Variants in GRIK4 observed in about 807,000 individuals in gnomAD.
GRIK4 encodes glutamate ionotropic receptor kainate type subunit 4, also known as glutamate receptor ionotropic, kainate 4.
In GRIK4, 40 loss-of-function variants were observed where a neutral mutation model predicts 104.9. The observed-to-expected ratio is 0.38, with a 90% CI of 0.30 to 0.50. The LOEUF is 0.50. Ranked by LOEUF, GRIK4 falls within the 20% of genes least tolerant of loss-of-function variation. GRIK4 has a pLI of 0.93. For missense variants in GRIK4, 1,047 were observed against 1,308.1 expected (o/e 0.80, Z 3.08); for synonymous variants, 485 against 524.9 (o/e 0.92, Z 1.04).
At chr11:120,843,269 C>T (rs1033741493) in intron 8 of GRIK4, among the ~76,000 whole-genome samples, 2 of 152,264 alleles carry the variant, frequency 1.3e-5, no homozygotes, top group South Asian at 2.1e-4. Context: ...GCTCTCGGCA[C>T]CGCCGCTGTG....
In GRIK4 at chr11:120,978,455, TG is replaced by T. The variant is rs149983178; in HGVS notation, c.2396-3649del. ...AGAGGAATTAACAGGAGCAAAGGTA[TG>T]GAAGGTAAGAGCAACGATGCTGTGT... On this transcript the variant is annotated intron_variant, in intron 19 of 20. Coordinates refer to ENST00000527524, the MANE Select transcript of GRIK4 (RefSeq NM_014619.5). Among the ~76,000 whole-genome samples, 863 of 152,174 alleles carry T rather than the reference TG, an allele frequency of 5.7e-3. 6 individuals carry two copies. The highest frequency in any genetic ancestry group is 0.02 in the African/African-American group (826 of 41,512).
intron 6 of GRIK4, 87 bp from the exon 7 acceptor site, chr11:120,831,765 A>T: frequency 1.0e-6 from 1 of 1,000,540 alleles, no homozygotes; most frequent in Non-Finnish European, 1.5e-6. Flanking sequence ...CTTCCAGCCC[A>T]CATCTCCGTG....
At chr11:120,644,699 T>C (rs1949518815) in intron 1 of GRIK4, among the ~76,000 whole-genome samples, 1 of 152,184 alleles carries the variant, frequency 6.6e-6, no homozygotes, top group African/African-American at 2.4e-5. Context: ...CCGGTGAACC[T>C]TCCAGTAGAA....
At chr11:120,726,634 A>G (rs1951031674) in intron 3 of GRIK4, among the ~76,000 whole-genome samples, 1 of 152,142 alleles carries the variant, frequency 6.6e-6, no homozygotes, top group Admixed American at 6.5e-5. Flanking sequence ...TGAGATGGGA[A>G]AATTAATAGA....
rs753481125 is a variant in GRIK4 at position 120,956,740 on chromosome 11, C to T, written c.1701-40C>T. ...AGCCTGCCTGTGTCCCTTCACACCC[C>T]GCCTCTGTGGCACTAGTGTATGTTC... On this transcript the variant is annotated intron_variant, in intron 15 of 20. Transcript: ENST00000527524. The surrounding 1 kb of genome is among the most constrained non-coding windows in gnomAD (Gnocchi z 4.6). 4.9e-6 allele frequency: 7 copies of T among 1,439,612 alleles called. No homozygotes were observed. The highest frequency in any genetic ancestry group is 2.5e-5 in the East Asian group (1 of 40,254). The allele number at this position is 1,439,612 out of a possible 1,614,324, so 89.2% of individuals were successfully genotyped here. A position where few individuals can be genotyped will look rare whatever the true frequency, so the allele number is the denominator to read the frequency against.
intron 1 of GRIK4, among the ~76,000 whole-genome samples, chr11:120,632,285 C>T (rs977179811): frequency 1.3e-5 from 2 of 152,190 alleles, no homozygotes; most frequent in Non-Finnish European, 2.9e-5. Flanking sequence ...ACCTTGATCT[C>T]AGACCTCTAG....
In GRIK4 at chr11:120,819,666, C is replaced by T. The variant is rs755171756; in HGVS notation, c.346-89C>T. 49 of 1,265,986 alleles carry T rather than the reference C, an allele frequency of 3.9e-5. No homozygotes were observed. Among genetic ancestry groups the T allele is most frequent in the Non-Finnish European group, 4.9e-5 (43 of 874,970 alleles). 78.4% of individuals were successfully genotyped at this position (1,265,986 alleles called of 1,614,324 possible). A position where few individuals can be genotyped will look rare whatever the true frequency, so the allele number is the denominator to read the frequency against. On this transcript the variant is annotated intron_variant, in intron 5 of 20. Coordinates refer to ENST00000527524, the MANE Select transcript of GRIK4 (RefSeq NM_014619.5). This position sits in a 1 kb window ranked among gnomAD's most constrained non-coding sequence, Gnocchi z 4.3. ...CGAAGGTGTTACATAAAAGAACTCA[C>T]CCTCCACAACCTCAGCTCACTCATC...
At chr11:120,716,241 T>A (rs1950830457) in intron 3 of GRIK4, among the ~76,000 whole-genome samples, 1 of 112,936 alleles carries the variant, frequency 8.9e-6, no homozygotes, top group Admixed American at 1.1e-4. Context: ...CTGACATGAT[T>A]TTTTTGGGGG....
intron 13 of GRIK4, among the ~76,000 whole-genome samples, chr11:120,908,405 T>C (rs1942916068): frequency 6.6e-6 from 1 of 150,746 alleles, no homozygotes; most frequent in African/African-American, 2.5e-5. Context: ...AGGATTTTTT[T>C]GGTAAAGATT....
At chr11:120,544,428 T>C (rs192713586) in intron 1 of GRIK4, among the ~76,000 whole-genome samples, 16 of 152,254 alleles carry the variant, frequency 1.1e-4, no homozygotes, top group African/African-American at 3.6e-4. Flanking sequence ...CCTCCAGGGT[T>C]CAAGCGATTC....
At chr11:120,596,463 G>C (rs998077037) in intron 1 of GRIK4, among the ~76,000 whole-genome samples, 1 of 152,216 alleles carries the variant, frequency 6.6e-6, no homozygotes, top group African/African-American at 2.4e-5. Context: ...GCGCTTCAGA[G>C]AGAGACTGGA....
chr11:120,967,415 T>C lies in GRIK4; in HGVS notation c.2395+92T>C, dbSNP rs1944403487. On this transcript the variant is annotated intron_variant, in intron 19 of 20. Coordinates refer to ENST00000527524, the MANE Select transcript of GRIK4 (RefSeq NM_014619.5). The surrounding 1 kb of genome is among the most constrained non-coding windows in gnomAD (Gnocchi z 4.2). ...AATTCCAGGTACACATAATGACTTG[T>C]AGGACCCATTGAGAACGGCCTTGGA... 1.4e-6 allele frequency: 2 copies of C among 1,384,356 alleles called. No individual in the cohort carries two copies. 85.8% of individuals were successfully genotyped at this position (1,384,356 alleles called of 1,614,324 possible). A position where few individuals can be genotyped will look rare whatever the true frequency, so the allele number is the denominator to read the frequency against.
chr11:120,513,538 G>A lies in GRIK4; in HGVS notation c.-159+1651G>A, dbSNP rs147935366. 1.2e-3 allele frequency among the ~76,000 whole-genome samples: 190 copies of A among 152,338 alleles called. 1 individual carries two copies. The highest frequency in any genetic ancestry group is 2.3e-3 in the Non-Finnish European group (159 of 68,044). On this transcript the variant is annotated intron_variant, in intron 1 of 20. Coordinates refer to ENST00000527524, the MANE Select transcript of GRIK4 (RefSeq NM_014619.5). The surrounding 1 kb of genome is among the most constrained non-coding windows in gnomAD (Gnocchi z 4.5). ...CAGCTCAGGCTTCATCATTAATCAG[G>A]TTTATTATTTTTCTCACTGGCCAGA...
intron 3 of GRIK4, among the ~76,000 whole-genome samples, chr11:120,801,767 T>C (rs1952625594): frequency 2.0e-5 from 3 of 152,216 alleles, no homozygotes; most frequent in Non-Finnish European, 4.4e-5. Flanking sequence ...TAAGAATCTC[T>C]ATAGCTAGAT....
intron 3 of GRIK4, among the ~76,000 whole-genome samples, chr11:120,718,643 C>T (rs769407530): frequency 3.9e-5 from 6 of 152,224 alleles, no homozygotes; most frequent in Non-Finnish European, 7.3e-5. Context: ...ATTGTCTGTA[C>T]GCTGAAGCTG....
intron 13 of GRIK4, among the ~76,000 whole-genome samples, chr11:120,921,371 G>A (rs950172102): frequency 3.9e-5 from 6 of 152,212 alleles, no homozygotes; most frequent in African/African-American, 1.4e-4. Context: ...TTGGATGGAT[G>A]CTGTAAAGGC....
chr11:120,556,822 G>T (rs987909372), intron 1 of GRIK4, among the ~76,000 whole-genome samples: 5 of 152,174 alleles, frequency 3.3e-5, no homozygotes, highest in African/African-American at 1.2e-4. Context: ...GTGACTGGCA[G>T]TCACGTCCCC....
At chr11:120,921,343 C>T (rs1347263559) in intron 13 of GRIK4, among the ~76,000 whole-genome samples, 1 of 152,162 alleles carries the variant, frequency 6.6e-6, no homozygotes, top group Non-Finnish European at 1.5e-5. Context: ...ACTCACTCAG[C>T]CACCAGGGGA....
At chr11:120,750,008 T>C (rs1951518442) in intron 3 of GRIK4, among the ~76,000 whole-genome samples, 1 of 152,006 alleles carries the variant, frequency 6.6e-6, no homozygotes, top group Non-Finnish European at 1.5e-5. Context: ...GGGTAGAAAA[T>C]CCAATTTTAG....
Sources: gnomAD v4.1 joint callset for allele counts (sites outside exome capture counted in the v4.1 genomes callset) on GRCh38, gnomAD v4.1.1 for gene constraint, Gnocchi (gnomAD v3.1) non-coding constraint, MANE v1.5 for transcripts, NCBI Gene and HGNC (gene_info 2026-07-23, HGNC 2026-07-21) for gene names.